The following GLRB variants were observed in gnomAD, a reference collection of about 807,000 sequenced individuals.
GLRB encodes glycine receptor beta.
In GLRB, 33 loss-of-function variants were observed where a neutral mutation model predicts 54.2. The observed-to-expected ratio is 0.61, with a 90% CI of 0.46 to 0.81. The LOEUF is 0.81. Among genes scored for constraint, GLRB ranks in the 40% least tolerant of loss-of-function variants. The pLI is 0.00. For synonymous variants in GLRB, 209 were observed against 208.2 expected, an observed-to-expected ratio of 1.00 and a Z score of -0.03; for missense variants, 572 against 584.6, an observed-to-expected ratio of 0.98 and a Z score of 0.22.
chr4:157,140,983 G>A (rs539768882), intron 7 of GLRB, among the ~76,000 whole-genome samples: 1 of 151,690 alleles, frequency 6.6e-6, no homozygotes, highest in South Asian at 2.1e-4. Flanking sequence ...ATCTCCATTT[G>A]GGGACTCAGT....
At chr4:157,168,951 A>G (rs970269480) in intron 9 of GLRB, among the ~76,000 whole-genome samples, 1 of 152,070 alleles carries the variant, frequency 6.6e-6, no homozygotes, top group Non-Finnish European at 1.5e-5. Context: ...CATTTTTGCT[A>G]TCCACCTTTG....
In GLRB at chr4:157,122,239, A is replaced by G. The variant is rs192037101; in HGVS notation, c.230-91A>G. Reference sequence around the variant, plus strand: ...GCATTCCATATGGATTGGAAAAAATATAATAATTAAATGTGCAAACCAAAA... The same window carrying G: ...GCATTCCATATGGATTGGAAAAAATGTAATAATTAAATGTGCAAACCAAAA... On this transcript the variant is annotated intron_variant, in intron 3 of 9. Coordinates refer to ENST00000264428, the MANE Select transcript of GLRB (RefSeq NM_000824.5). The G allele has an allele frequency of 6.7e-5, 39 of 579,610 alleles. No individual in the cohort carries two copies. The East Asian group carries it at 1.0e-3, about 15-fold the overall frequency. The allele number at this position is 579,610 out of a possible 1,614,324, so 35.9% of individuals were successfully genotyped here.
Position 157,122,378 on chromosome 4 carries a change from C to T in GLRB, c.278C>T (p.Ser93Phe). The T allele has an allele frequency of 7.7e-7, 1 of 1,292,344 alleles. No homozygotes were observed. The highest frequency in any genetic ancestry group is 1.1e-6 in the Non-Finnish European group (1 of 899,432). 80.1% of individuals were successfully genotyped at this position (1,292,344 alleles called of 1,614,324 possible). ...VVNIFINSFG[S>F]IQETTMDYRV... ...AACATTTTTATTAACAGTTTTGGAT[C>T]CATTCAAGAAACAACAATGGTAAGA... The change falls in exon 4 of 10, where the codon TCC (serine) becomes TTC (phenylalanine). Residue 93 changes from serine to phenylalanine, a missense_variant. Transcript: ENST00000264428.
chr4:157,171,734 T>C lies in GLRB; in HGVS notation c.*1006T>C, dbSNP rs777763105. 3.9e-5 allele frequency: 6 copies of C among 152,044 alleles called. No homozygotes were observed. The highest frequency in any genetic ancestry group is 2.6e-4 in the Admixed American group (4 of 15,238). The allele number at this position is 152,044 out of a possible 1,614,324, so 9.4% of individuals were successfully genotyped here. On this transcript the variant is annotated 3_prime_UTR_variant, in exon 10 of 10. Transcript: ENST00000264428. ...CTGAATTTATTTTTTTATTTGAATATTTTGGGATTAGTTACAAAATATTTA... is the reference window on the plus strand; with the variant it reads ...CTGAATTTATTTTTTTATTTGAATACTTTGGGATTAGTTACAAAATATTTA...
intron 2 of GLRB, among the ~76,000 whole-genome samples, chr4:157,095,313 A>G (rs1734767502): frequency 6.6e-6 from 1 of 152,044 alleles, no homozygotes; most frequent in African/African-American, 2.4e-5. Flanking sequence ...AGCAAAAAAA[A>G]AAAAAAAAGG....
chr4:157,102,748 G>A (rs1735078120), intron 2 of GLRB, among the ~76,000 whole-genome samples: 1 of 152,116 alleles, frequency 6.6e-6, no homozygotes, highest in Admixed American at 6.5e-5. Flanking sequence ...GCAGGCTGTG[G>A]GAGGAACTCT....
chr4:157,161,237 A>G (rs560900415), intron 9 of GLRB, among the ~76,000 whole-genome samples: 59 of 152,176 alleles, frequency 3.9e-4, no homozygotes, highest in African/African-American at 1.4e-3. Context: ...TGCACATGAG[A>G]TGGGTCTCCT....
At chr4:157,122,510 A>G (rs1225528773) in intron 4 of GLRB, 113 bp downstream of exon 4, 5 of 440,580 alleles carry the variant, frequency 1.1e-5, no homozygotes, top group Non-Finnish European at 2.1e-5. Context: ...GCCCTTTCCT[A>G]GTATAAAATG....
chr4:157,086,783 C>T (rs1367845393), intron 2 of GLRB, among the ~76,000 whole-genome samples: 1 of 152,100 alleles, frequency 6.6e-6, no homozygotes, highest in Non-Finnish European at 1.5e-5. Context: ...CTGAACATAG[C>T]TTGGGTAGGG....
intron 9 of GLRB, 131 bp downstream of exon 9, chr4:157,153,141 C>T (rs1737091177): frequency 2.4e-6 from 2 of 826,662 alleles, no homozygotes; most frequent in East Asian, 2.6e-5. Flanking sequence ...CAGATGAAAA[C>T]AAACTGAGCA....
At chr4:157,159,501 T>C (rs568575080) in intron 9 of GLRB, among the ~76,000 whole-genome samples, 131 of 152,236 alleles carry the variant, frequency 8.6e-4, no homozygotes, top group African/African-American at 2.9e-3. Flanking sequence ...TTTTGAGATA[T>C]GTCCCATCAA....
intron 2 of GLRB, among the ~76,000 whole-genome samples, chr4:157,096,686 A>G (rs1223856513): frequency 1.3e-5 from 2 of 152,202 alleles, no homozygotes; most frequent in Non-Finnish European, 2.9e-5. Flanking sequence ...TGGCCTGTGA[A>G]TATTTCAATG....
chr4:157,125,071 GA>G (rs1429362674), intron 4 of GLRB, among the ~76,000 whole-genome samples: 4 of 151,654 alleles, frequency 2.6e-5, no homozygotes, highest in Non-Finnish European at 5.9e-5. Context: ...TCTTTCAAAA[GA>G]AAAAATTCAT....
intron 9 of GLRB, among the ~76,000 whole-genome samples, chr4:157,160,542 C>T (rs1010081146): frequency 6.6e-6 from 1 of 151,818 alleles, no homozygotes; most frequent in African/African-American, 2.4e-5. Context: ...TCTTTGTTCT[C>T]GTTGGTTTCA....
chr4:157,158,363 T>C (rs1041425354), intron 9 of GLRB, among the ~76,000 whole-genome samples: 14 of 152,210 alleles, frequency 9.2e-5, no homozygotes, highest in African/African-American at 2.7e-4. Flanking sequence ...ATTTTGGCTT[T>C]TGTTGCCATT....
intron 2 of GLRB, among the ~76,000 whole-genome samples, chr4:157,109,075 C>G (rs1735326921): frequency 6.6e-6 from 1 of 152,004 alleles, no homozygotes; most frequent in South Asian, 2.1e-4. Context: ...ATTTAGCAGA[C>G]TACAGTTTAG....
intron 2 of GLRB, among the ~76,000 whole-genome samples, chr4:157,100,034 A>G (rs1734960639): frequency 6.6e-6 from 1 of 152,168 alleles, no homozygotes; most frequent in African/African-American, 2.4e-5. Context: ...ATATTCTAGA[A>G]CAAATCATTT....
At chr4:157,100,000 T>G (rs1734958450) in intron 2 of GLRB, among the ~76,000 whole-genome samples, 1 of 152,216 alleles carries the variant, frequency 6.6e-6, no homozygotes, top group South Asian at 2.1e-4. Context: ...TTGATTTTCT[T>G]ATTAACATGT....
At chr4:157,091,763 T>G (rs186041854) in intron 2 of GLRB, among the ~76,000 whole-genome samples, 290 of 152,300 alleles carry the variant, frequency 1.9e-3, no homozygotes, top group Non-Finnish European at 3.4e-3. Flanking sequence ...ACTTCCAGTA[T>G]CTTCTCCTGC....
Sources: gnomAD v4.1 joint callset for allele counts (sites outside exome capture counted in the v4.1 genomes callset) on GRCh38, gnomAD v4.1.1 for gene constraint, MANE v1.5 for transcripts, NCBI Gene and HGNC (gene_info 2026-07-23, HGNC 2026-07-21) for gene names.